ADAMTS9: variants seen among roughly 807,000 people sequenced by gnomAD.
The protein encoded by ADAMTS9 is ADAM metallopeptidase with thrombospondin type 1 motif 9.
ADAMTS9 carries 107 observed loss-of-function variants against 257.1 expected under a neutral mutation model. The ratio of observed to expected loss-of-function variants is 0.42; its 90% CI spans 0.36 to 0.49. The LOEUF (loss-of-function observed/expected upper bound fraction) is 0.49. ADAMTS9 is among the 20% of genes least tolerant of loss of function. The probability of loss-of-function intolerance (pLI) is 0.03; values close to 1 mark genes in which losing one functional copy is unlikely to be tolerated. For missense variants in ADAMTS9, 2,353 were observed against 2,469.1 expected (o/e 0.95, Z 1.00); for synonymous variants, 982 against 880.9 (o/e 1.11, Z -2.03).
At chr3:64,523,823 G>C (rs889282692) in intron 38 of ADAMTS9, among the ~76,000 whole-genome samples, 1 of 152,038 alleles carries the variant, frequency 6.6e-6, no homozygotes, top group Non-Finnish European at 1.5e-5. Flanking sequence ...TTAGCAGTGG[G>C]GTAAAGTTTT....
At chr3:64,634,252 T>C (rs191505120) in intron 12 of ADAMTS9, among the ~76,000 whole-genome samples, 380 of 152,274 alleles carry the variant, frequency 2.5e-3, no homozygotes, top group African/African-American at 8.3e-3. Flanking sequence ...GGTGCTTCAA[T>C]GTTTAAAATG....
chr3:64,651,425 T>C (rs1700928692), intron 8 of ADAMTS9, among the ~76,000 whole-genome samples: 1 of 152,206 alleles, frequency 6.6e-6, no homozygotes, highest in South Asian at 2.1e-4. Flanking sequence ...GTATTTGGTT[T>C]AAGTGTACTT....
chr3:64,560,005 C>T (rs2083392875), intron 30 of ADAMTS9, among the ~76,000 whole-genome samples: 1 of 152,188 alleles, frequency 6.6e-6, no homozygotes, highest in African/African-American at 2.4e-5. Context: ...ATGAGGGAGT[C>T]TCCTCTTCCT....
At chr3:64,603,109 T>G (rs559845837) in intron 25 of ADAMTS9, among the ~76,000 whole-genome samples, 2 of 152,318 alleles carry the variant, frequency 1.3e-5, no homozygotes, top group African/African-American at 4.8e-5. Context: ...TAATCTCAAA[T>G]AATCCTCACA....
At chr3:64,633,417 A>T (rs1700416605) in intron 14 of ADAMTS9, 55 bp downstream of exon 14, 36 of 1,604,908 alleles carry the variant, frequency 2.2e-5, no homozygotes, top group Non-Finnish European at 3.0e-5. Context: ...GGAAGCCACA[A>T]ATCACAGGTT....
chr3:64,549,499 C>G (rs1242491498), intron 31 of ADAMTS9, among the ~76,000 whole-genome samples: 1 of 152,170 alleles, frequency 6.6e-6, no homozygotes, highest in Non-Finnish European at 1.5e-5. Context: ...TTGGATTCCA[C>G]ATGTTCCTGG....
chr3:64,548,597 G>C (rs372605036), intron 31 of ADAMTS9, among the ~76,000 whole-genome samples: 4 of 28,236 alleles, frequency 1.4e-4, no homozygotes, highest in African/African-American at 2.0e-4. Context: ...CTATTTATGT[G>C]GGGGGGAGCC....
At position 64,590,208 on chromosome 3, in the gene ADAMTS9, A is replaced by G. The variant is rs975782097; in HGVS notation, c.4356+4050T>C. ...TAAGCATCATTTCCAACTCAGAAAT[A>G]TGTTTTTAAAGTATCCCTTTAAAAT... is the stretch of plus-strand genomic sequence containing the variant. On this transcript the variant is annotated intron_variant, in intron 28 of 39. Transcript: ENST00000498707. The G allele has an allele frequency of 5.9e-5, 9 of 152,318 alleles. No homozygotes were observed. The East Asian group carries it at 1.7e-3, about 29-fold the overall frequency. 9.4% of individuals were successfully genotyped at this position (152,318 alleles called of 1,614,324 possible).
chr3:64,674,662 A>G lies in ADAMTS9; in HGVS notation c.679+6539T>C, dbSNP rs146289886. ...AAGTGCAGGCAGACAAGTTCCTAGC[A>G]TAAGTCACTAATTAGCCACCAACCA... On this transcript the variant is annotated intron_variant, in intron 3 of 39. Coordinates refer to ENST00000498707, the MANE Select transcript of ADAMTS9 (RefSeq NM_182920.2). Among the ~76,000 whole-genome samples the G allele has an allele frequency of 5.0e-4, 76 of 152,330 alleles. 1 individual carries two copies. The East Asian group carries it at 0.015, about 29-fold the overall frequency.
At chr3:64,588,928 T>C (rs2084209921) in intron 28 of ADAMTS9, 3 of 152,220 alleles carry the variant, frequency 2.0e-5, no homozygotes, top group African/African-American at 7.2e-5. Flanking sequence ...AATTCGTATG[T>C]CATAACACTT....
At chr3:64,578,153 C>T (rs985501510) in intron 28 of ADAMTS9, among the ~76,000 whole-genome samples, 8 of 152,136 alleles carry the variant, frequency 5.3e-5, no homozygotes, top group Admixed American at 4.6e-4. Context: ...TCATTTTAAC[C>T]ATTATCAAAT....
intron 28 of ADAMTS9, among the ~76,000 whole-genome samples, chr3:64,571,412 T>C (rs1315711628): frequency 1.3e-5 from 2 of 152,196 alleles, no homozygotes; most frequent in Non-Finnish European, 2.9e-5. Flanking sequence ...AACAGCACAG[T>C]GAAAAATAGT....
chr3:64,566,851 C>T (rs978976857), intron 29 of ADAMTS9, among the ~76,000 whole-genome samples: 3 of 148,696 alleles, frequency 2.0e-5, no homozygotes, highest in East Asian at 2.0e-4. Context: ...TTACATGAAT[C>T]GAATAGCTCC....
At chr3:64,631,650 C>T (rs997606795) in intron 15 of ADAMTS9, 100 bp from the exon 16 acceptor site, 34 of 1,230,604 alleles carry the variant, frequency 2.8e-5, no homozygotes, top group Non-Finnish European at 3.8e-5. Context: ...ATATAATTCT[C>T]ATATAATTCT....
intron 3 of ADAMTS9, among the ~76,000 whole-genome samples, chr3:64,671,179 G>C (rs961550901): frequency 2.0e-5 from 3 of 152,142 alleles, no homozygotes; most frequent in Non-Finnish European, 4.4e-5. Flanking sequence ...CCATTCAGTG[G>C]AATACAGCTC....
At chr3:64,588,134 A>G (rs1026162152) in intron 28 of ADAMTS9, 1 of 152,212 alleles carries the variant, frequency 6.6e-6, no homozygotes, top group African/African-American at 2.4e-5. Context: ...GTTTAAAAGC[A>G]AAGATAAAAT....
At chr3:64,665,629 G>C (rs926169960) in intron 3 of ADAMTS9, among the ~76,000 whole-genome samples, 4 of 152,130 alleles carry the variant, frequency 2.6e-5, no homozygotes, top group African/African-American at 7.2e-5. Flanking sequence ...CAATTTTCTG[G>C]CTTACATTAA....
intron 32 of ADAMTS9, among the ~76,000 whole-genome samples, chr3:64,545,451 C>T (rs1364817615): frequency 6.6e-6 from 1 of 152,180 alleles, no homozygotes; most frequent in African/African-American, 2.4e-5. Context: ...AGTTCATGTC[C>T]TTTGTAGGGA....
chr3:64,625,332 C>T (rs577530950), intron 16 of ADAMTS9, among the ~76,000 whole-genome samples: 4 of 152,270 alleles, frequency 2.6e-5, no homozygotes, highest in Admixed American at 2.0e-4. Flanking sequence ...TGCAGGCCAT[C>T]TCATCAATGT....
Sources: allele counts gnomAD v4.1 joint callset (sites outside exome capture counted in the v4.1 genomes callset), GRCh38; gene constraint gnomAD v4.1.1; transcripts MANE v1.5; gene names NCBI Gene and HGNC (gene_info 2026-07-23, HGNC 2026-07-21).